Variants in FYN observed in about 807,000 individuals in gnomAD.
The protein encoded by FYN is FYN proto-oncogene, Src family tyrosine kinase, also known as tyrosine-protein kinase Fyn.
Under a neutral mutation model 70.2 loss-of-function variants are expected in FYN, and 10 were observed. That is an observed-to-expected ratio of 0.14 (90% CI 0.09 to 0.24). The LOEUF is 0.24. FYN is among the 10% of genes least tolerant of loss of function. The pLI, the probability that FYN is intolerant of heterozygous loss-of-function variation, is 1.00. For missense variants in FYN, 319 were observed against 673.1 expected (o/e 0.47, Z 5.82); for synonymous variants, 236 against 248.6 (o/e 0.95, Z 0.48).
intron 2 of FYN, among the ~76,000 whole-genome samples, chr6:111,796,189 A>G (rs566492275): frequency 2.6e-4 from 39 of 152,348 alleles, no homozygotes; most frequent in Middle Eastern, 3.4e-3. Flanking sequence ...GCTCTTGCCC[A>G]CCACAAATGT....
intron 12 of FYN, among the ~76,000 whole-genome samples, chr6:111,674,896 A>G (rs1332942257): frequency 6.6e-6 from 1 of 152,178 alleles, no homozygotes; most frequent in African/African-American, 2.4e-5. Flanking sequence ...TAGGAAAATT[A>G]TATATATATT....
intron 3 of FYN, among the ~76,000 whole-genome samples, chr6:111,743,915 A>C (rs1802093522): frequency 1.3e-5 from 2 of 152,230 alleles, no homozygotes; most frequent in African/African-American, 2.4e-5. Flanking sequence ...ATTATAGAAA[A>C]AAAGTGGCCT....
chr6:111,828,412 T>A, intron 2 of FYN, among the ~76,000 whole-genome samples: 1 of 152,230 alleles, frequency 6.6e-6, no homozygotes, highest in African/African-American at 2.4e-5. Context: ...TCTGGGTATC[T>A]AGTTGAAAAA....
chr6:111,833,543 C>T (rs951709636), intron 2 of FYN, among the ~76,000 whole-genome samples: 1 of 152,098 alleles, frequency 6.6e-6, no homozygotes, highest in Non-Finnish European at 1.5e-5. Context: ...GTTTCCATAC[C>T]CGTAGATACC....
chr6:111,704,006 G>T lies in FYN; in HGVS notation c.540C>A (p.Thr180=), dbSNP rs755311870. 6.2e-7 allele frequency: 1 copy of T among 1,612,194 alleles called. No homozygotes were observed. The highest frequency in any genetic ancestry group is 1.1e-5 in the South Asian group (1 of 91,012). ...TTCAACTCGTTATCTTACCTTTGGT[G>T]GTTTCACTCTCGCGGATAAGAAAGG... ...RGTFLIRESE[T]TKGAYSLSIR... is the part of the protein sequence containing the mutation. The change falls in exon 7 of 14, where the codon ACC becomes ACA. Residue 180 remains threonine (T), a synonymous_variant. Transcript: ENST00000354650.
intron 3 of FYN, among the ~76,000 whole-genome samples, chr6:111,735,411 G>A (rs1411262089): frequency 6.6e-6 from 1 of 152,180 alleles, no homozygotes; most frequent in Non-Finnish European, 1.5e-5. Context: ...ATATGCAAAT[G>A]ACCTTTGATC....
intron 2 of FYN, among the ~76,000 whole-genome samples, chr6:111,833,785 T>C (rs1261167643): frequency 2.6e-5 from 4 of 152,168 alleles, no homozygotes; most frequent in Non-Finnish European, 4.4e-5. Context: ...TTCAGCAAAG[T>C]GGATGGTGCA....
Position 111,849,385 on chromosome 6 carries a change from C to T in FYN, c.-122-2756G>A, listed in dbSNP as rs181022863. On this transcript the variant is annotated intron_variant, in intron 1 of 13. Coordinates refer to ENST00000354650, the MANE Select transcript of FYN (RefSeq NM_002037.5). ...ACTCTGAGCTCTCTCTTGATACAGC[C>T]ATCCCTCCAGCTCCCCGTCACCCCC... 7.9e-5 allele frequency among the ~76,000 whole-genome samples: 12 copies of T among 152,332 alleles called. No homozygotes were observed. In the East Asian group the frequency reaches 2.3e-3, roughly 29 times the overall value.
intron 2 of FYN, among the ~76,000 whole-genome samples, chr6:111,807,533 C>G (rs1299538918): frequency 6.6e-6 from 1 of 152,178 alleles, no homozygotes; most frequent in East Asian, 1.9e-4. Flanking sequence ...TCACTTACCC[C>G]CAGGTAAGAC....
chr6:111,687,271 A>G (rs1371046901), intron 12 of FYN, among the ~76,000 whole-genome samples: 1 of 152,200 alleles, frequency 6.6e-6, no homozygotes, highest in Non-Finnish European at 1.5e-5. Context: ...CCAGACAATA[A>G]TCTATTCAAT....
At chr6:111,748,269 G>A (rs546472389) in intron 3 of FYN, among the ~76,000 whole-genome samples, 17 of 152,146 alleles carry the variant, frequency 1.1e-4, no homozygotes, top group Non-Finnish European at 2.4e-4. Context: ...ATAAATAAAA[G>A]CCATTTAGAA....
chr6:111,765,464 G>A (rs1454913789), intron 3 of FYN, among the ~76,000 whole-genome samples: 1 of 152,110 alleles, frequency 6.6e-6, no homozygotes, highest in Non-Finnish European at 1.5e-5. Flanking sequence ...CCAGACCCTG[G>A]CCCTGCCTGC....
Position 111,667,343 on chromosome 6 carries a change from A to G in FYN, c.1406-5396T>C, listed in dbSNP as rs191856282. 1.9e-3 allele frequency among the ~76,000 whole-genome samples: 287 copies of G among 152,178 alleles called. 1 individual carries two copies. The highest frequency in any genetic ancestry group is 6.4e-3 in the African/African-American group (265 of 41,536). On this transcript the variant is annotated intron_variant, in intron 13 of 13. Transcript: ENST00000354650. The stretch of plus-strand genomic sequence containing the variant: ...AGCCTTGAACTCCTGGGCTCAAGCG[A>G]TCCTCCTCACACTTCAGTCTCCCAA...
chr6:111,736,206 TC>T (rs1250510153), intron 3 of FYN, among the ~76,000 whole-genome samples: 4 of 152,224 alleles, frequency 2.6e-5, no homozygotes, highest in Non-Finnish European at 4.4e-5. Flanking sequence ...ACTGTTCTCC[TC>T]CAGCTGTGGA....
At position 111,812,511 on chromosome 6, in the gene FYN, G is replaced by A. The variant is rs72942196; in HGVS notation, c.-81-31876C>T. Among the ~76,000 whole-genome samples the A allele has an allele frequency of 8.1e-4, 121 of 149,568 alleles. 1 individual carries two copies. The highest frequency in any genetic ancestry group is 1.7e-3 in the South Asian group (8 of 4,718). ...AAAAAAGTTTGGGGAGAAATGGCTA[G>A]AAATACTTTAGTTGTATACTTAGAA... is the stretch of plus-strand genomic sequence containing the variant. On this transcript the variant is annotated intron_variant, in intron 2 of 13. Transcript: ENST00000354650.
chr6:111,774,245 GC>G (rs1803618575), intron 3 of FYN, among the ~76,000 whole-genome samples: 1 of 152,226 alleles, frequency 6.6e-6, no homozygotes, highest in South Asian at 2.1e-4. Context: ...CTGCAGAATA[GC>G]CACTCTGGAT....
In FYN at chr6:111,830,983, C is replaced by T. The variant is rs1050753468; in HGVS notation, c.-82+15606G>A. On this transcript the variant is annotated intron_variant, in intron 2 of 13. Transcript: ENST00000354650. ...GTGGAAGTGCAAAACAGAAGGGGGG[C>T]TATTTGTGTAATCCACACATATCTT... Among the ~76,000 whole-genome samples the T allele has an allele frequency of 3.3e-5, 5 of 152,118 alleles. No homozygotes were observed. The South Asian group carries it at 8.3e-4, about 25-fold the overall frequency.
rs145039424 is a variant in FYN, at chr6:111,813,093, A to G, written c.-81-32458T>C. ...ATTTACTTCTAATTTTAAACCTACAAGTGCAATTGTGTTGTAAAATCATGG... is the reference window on the plus strand; with the variant it reads ...ATTTACTTCTAATTTTAAACCTACAGGTGCAATTGTGTTGTAAAATCATGG... On this transcript the variant is annotated intron_variant, in intron 2 of 13. Transcript: ENST00000354650. Among the ~76,000 whole-genome samples the G allele has an allele frequency of 4.0e-3, 612 of 152,328 alleles. 6 individuals carry two copies. Among genetic ancestry groups the G allele is most frequent in the African/African-American group, 0.014 (572 of 41,576 alleles).
chr6:111,797,506 AAT>A (rs1004551188), intron 2 of FYN, among the ~76,000 whole-genome samples: 1 of 151,720 alleles, frequency 6.6e-6, no homozygotes, highest in African/African-American at 2.4e-5. Flanking sequence ...TATAATCTCA[AAT>A]ATGAGAATAT....
Sources: allele counts gnomAD v4.1 joint callset (sites outside exome capture counted in the v4.1 genomes callset), GRCh38; gene constraint gnomAD v4.1.1; transcripts MANE v1.5; gene names NCBI Gene and HGNC (gene_info 2026-07-23, HGNC 2026-07-21).